The following GLE1 variants were observed in gnomAD, a reference collection of about 807,000 sequenced individuals.
The protein encoded by GLE1 is mRNA export factor GLE1.
A neutral mutation model predicts 97.3 loss-of-function variants in GLE1; 78 were observed. The ratio of observed to expected loss-of-function variants is 0.80; its 90% confidence interval spans 0.67 to 0.97. The LOEUF is 0.97. Ranked by LOEUF, GLE1 falls within the 50% of genes least tolerant of loss-of-function variation. GLE1 has a pLI of 0.00. For synonymous variants in GLE1, 302 were observed against 313.4 expected (o/e 0.96, Z 0.39); for missense variants, 753 against 857.5 (o/e 0.88, Z 1.52).
In GLE1 at chr9:128,515,588, A is replaced by G; in HGVS notation, c.381A>G (p.Lys127=). Residue 127 remains lysine, a synonymous_variant, in exon 3 of 16, where the codon AAA becomes AAG. Coordinates refer to ENST00000309971, the MANE Select transcript of GLE1 (RefSeq NM_001003722.2). The stretch of plus-strand genomic sequence containing the variant: ...TACTTCAGTCCTCACGGGGGATCAA[A>G]GTGGAAGGCTGCGTCCGAATGTACG... ...SMVLQSSRGI[K]VEGCVRMYEL... 1 of 1,610,204 alleles carries G rather than the reference A, an allele frequency of 6.2e-7. No individual in the cohort carries two copies. Among genetic ancestry groups the G allele is most frequent in the Non-Finnish European group, 8.5e-7 (1 of 1,176,398 alleles).
chr9:128,524,335 C>T (rs551329412), intron 6 of GLE1, among the ~76,000 whole-genome samples: 4 of 151,870 alleles, frequency 2.6e-5, no homozygotes, highest in Non-Finnish European at 5.9e-5. Context: ...CTACTTCGGC[C>T]TCCCAAACTG....
chr9:128,528,606 T>C (rs1847383089), intron 9 of GLE1, among the ~76,000 whole-genome samples: 1 of 152,116 alleles, frequency 6.6e-6, no homozygotes, highest in Non-Finnish European at 1.5e-5. Context: ...CCCGGCCTTT[T>C]TGACTCATTT....
In GLE1 at chr9:128,533,819, T is replaced by A; in HGVS notation, c.1514T>A (p.Val505Glu). 6.2e-7 allele frequency: 1 copy of A among 1,614,128 alleles called. No individual in the cohort carries two copies. The change falls in exon 11 of 16, where the codon GTG (valine) becomes GAG (glutamate). Residue 505 changes from valine to glutamate, a missense_variant. Coordinates refer to ENST00000309971, the MANE Select transcript of GLE1 (RefSeq NM_001003722.2). Reference sequence around the variant, plus strand: ...GAAGCAGCATTCCCCATTGCAGTTGTGGCATCCGGGATCTGGGAGCTCCAC... The same window carrying A: ...GAAGCAGCATTCCCCATTGCAGTTGAGGCATCCGGGATCTGGGAGCTCCAC... ...HHEAAFPIAVVASGIWELHPR... is the reference protein window; with the variant it reads ...HHEAAFPIAVEASGIWELHPR...
At chr9:128,505,758 C>T (rs1846622844) in intron 1 of GLE1, among the ~76,000 whole-genome samples, 1 of 152,170 alleles carries the variant, frequency 6.6e-6, no homozygotes, top group Non-Finnish European at 1.5e-5. Context: ...GTTTAAAATT[C>T]GTCATTTTTC....
At chr9:128,529,709 C>T (rs200068891) in intron 9 of GLE1, among the ~76,000 whole-genome samples, 1 of 151,040 alleles carries the variant, frequency 6.6e-6, no homozygotes, top group African/African-American at 2.4e-5. Context: ...TCCCTCTCTC[C>T]CTCTCTCTCT....
intron 3 of GLE1, among the ~76,000 whole-genome samples, chr9:128,515,906 T>A (rs369921693): frequency 1.9e-4 from 29 of 152,190 alleles, no homozygotes; most frequent in African/African-American, 6.7e-4. Context: ...GGAAATGGTC[T>A]GGGATTGTTA....
intron 2 of GLE1, among the ~76,000 whole-genome samples, chr9:128,513,802 G>A (rs1230697998): frequency 2.6e-5 from 4 of 151,740 alleles, no homozygotes; most frequent in African/African-American, 4.8e-5. Context: ...GGATCACGAG[G>A]TCAAGAGATC....
chr9:128,526,477 C>T (rs929206132), intron 7 of GLE1, among the ~76,000 whole-genome samples: 8 of 152,116 alleles, frequency 5.3e-5, no homozygotes, highest in African/African-American at 1.9e-4. Context: ...CTGCCTCAGC[C>T]TCCTGAGTAG....
Position 128,536,447 on chromosome 9 carries a change from T to C in GLE1, c.1739T>C (p.Ile580Thr). Residue 580 changes from isoleucine to threonine, a missense_variant, in exon 12 of 16, where the codon ATC becomes ACC. Ile to Thr is a moderately conservative substitution (Grantham distance 89, BLOSUM62 -1). Transcript: ENST00000309971. ...GGGATGATCCGTCTCTACGCTGCTA[T>C]CATCCAGCTCCGGTGGCCATATGGA... ...MSGMIRLYAA[I>T]IQLRWPYGNR... The C allele has an allele frequency of 6.2e-7, 1 of 1,614,056 alleles. No individual in the cohort carries two copies. Among genetic ancestry groups the C allele is most frequent in the Non-Finnish European group, 8.5e-7 (1 of 1,179,922 alleles).
chr9:128,540,935 G>A (rs550716268), intron 15 of GLE1, 167 bp from the exon 16 acceptor site: 2 of 638,542 alleles, frequency 3.1e-6, no homozygotes, highest in Non-Finnish European at 5.6e-6. Context: ...AGATCATGCA[G>A]AAGTGGACAT....
At chr9:128,527,604 G>C in intron 9 of GLE1, 79 bp downstream of exon 9, 3 of 886,812 alleles carry the variant, frequency 3.4e-6, no homozygotes, top group Non-Finnish European at 5.8e-6. Flanking sequence ...TATCTGTAAG[G>C]TTCCTATAAA....
At chr9:128,507,842 C>G (rs989307546) in intron 1 of GLE1, among the ~76,000 whole-genome samples, 4 of 151,398 alleles carry the variant, frequency 2.6e-5, no homozygotes, top group Non-Finnish European at 5.9e-5. Context: ...GAGCTGAGAT[C>G]GTGCCACTGC....
chr9:128,532,982 A>G (rs181105751), intron 9 of GLE1, among the ~76,000 whole-genome samples: 12 of 152,354 alleles, frequency 7.9e-5, no homozygotes, highest in East Asian at 3.8e-4. Context: ...AGAGATACCA[A>G]CCACAGTCCA....
intron 12 of GLE1, among the ~76,000 whole-genome samples, chr9:128,537,453 CAAAAAAAAAAA>C (rs57584433): frequency 5.0e-4 from 22 of 43,960 alleles, no homozygotes; most frequent in East Asian, 5.7e-4. Flanking sequence ...AACTCTCCCT[CAAAAAAAAAAA>C]AAAAAAAAAA....
chr9:128,511,279 A>AAT (rs930837549), intron 2 of GLE1, among the ~76,000 whole-genome samples: 1 of 148,542 alleles, frequency 6.7e-6, no homozygotes, highest in Admixed American at 6.8e-5. Flanking sequence ...AATATACATA[A>AAT]ATATATATAT....
intron 3 of GLE1, among the ~76,000 whole-genome samples, chr9:128,520,113 G>T (rs2132444933): frequency 6.6e-6 from 1 of 152,088 alleles, no homozygotes; most frequent in Admixed American, 6.6e-5. Flanking sequence ...AGCTGGGCGT[G>T]GTGGCACATG....
At chr9:128,521,184 A>G (rs1225737669) in intron 3 of GLE1, among the ~76,000 whole-genome samples, 1 of 152,056 alleles carries the variant, frequency 6.6e-6, no homozygotes, top group African/African-American at 2.4e-5. Context: ...ACAGAGTCCC[A>G]GAGGAGAGGA....
At chr9:128,530,393 G>A (rs182623361) in intron 9 of GLE1, among the ~76,000 whole-genome samples, 2 of 152,304 alleles carry the variant, frequency 1.3e-5, no homozygotes, top group East Asian at 3.9e-4. Flanking sequence ...AAACCTGGGA[G>A]TCATCTTTAT....
chr9:128,504,985 C>T (rs1846599557), intron 1 of GLE1, 81 bp downstream of exon 1: 2 of 893,778 alleles, frequency 2.2e-6, no homozygotes, highest in Admixed American at 1.7e-5. Context: ...GCACGTTCTG[C>T]TCCCGGGAAC....
Sources: gnomAD v4.1 joint callset for allele counts (sites outside exome capture counted in the v4.1 genomes callset) on GRCh38, gnomAD v4.1.1 for gene constraint, MANE v1.5 for transcripts, NCBI Gene and HGNC (gene_info 2026-07-23, HGNC 2026-07-21) for gene names.